The following ZNF486 variants were observed in gnomAD, a reference collection of about 807,000 sequenced individuals.
ZNF486 encodes zinc finger protein 486.
A neutral mutation model predicts 12.8 loss-of-function variants in ZNF486; 12 were observed. That is an observed-to-expected ratio of 0.94 (90% CI 0.60 to 1.52). ZNF486 has a LOEUF of 1.52. Ranked by LOEUF, ZNF486 falls within the 40% of genes most tolerant of loss-of-function variation. The probability of loss-of-function intolerance (pLI) is 0.00; values close to 1 mark genes in which losing one functional copy is unlikely to be tolerated. For synonymous variants in ZNF486, 231 were observed against 184.9 expected (o/e 1.25, Z -2.02); for missense variants, 738 against 545.0 (o/e 1.35, Z -3.53).
At chr19:20,181,663 T>A (rs1555715609) in intron 1 of ZNF486, among the ~76,000 whole-genome samples, 1 of 152,166 alleles carries the variant, frequency 6.6e-6, no homozygotes, top group Non-Finnish European at 1.5e-5. Flanking sequence ...TTCTTGCAGA[T>A]CCAGTAGTTG....
Position 20,184,383 on chromosome 19 carries a change from G to C in ZNF486, c.58G>C (p.Val20Leu). ...MESLQFRDVAVEFSLEEWHCL... is the reference protein window; with the variant it reads ...MESLQFRDVALEFSLEEWHCL... The stretch of plus-strand genomic sequence containing the variant: ...ATCATTGCAATTTAGAGATGTGGCT[G>C]TAGAATTCTCTCTGGAGGAGTGGCA... The change falls in exon 2 of 4, where the codon GTA becomes CTA. Residue 20 changes from valine (V) to leucine (L), a missense_variant. Physicochemically the swap from Val to Leu is conservative, Grantham distance 32 (BLOSUM62 1). Transcript: ENST00000335117. 1 of 1,613,388 alleles carries C rather than the reference G, an allele frequency of 6.2e-7. No homozygotes were observed. The highest frequency in any genetic ancestry group is 8.5e-7 in the Non-Finnish European group (1 of 1,179,644).
intron 1 of ZNF486, among the ~76,000 whole-genome samples, chr19:20,169,457 C>G (rs1168967047): frequency 6.6e-6 from 1 of 152,146 alleles, no homozygotes; most frequent in South Asian, 2.1e-4. Context: ...GGAGCCTCGC[C>G]TGCAGATGTC....
chr19:20,191,323 C>T (rs529823511), intron 3 of ZNF486, among the ~76,000 whole-genome samples: 17 of 148,938 alleles, frequency 1.1e-4, no homozygotes, highest in South Asian at 8.5e-4. Context: ...TACAAAAAGC[C>T]GGGCGTGCTG....
intron 1 of ZNF486, among the ~76,000 whole-genome samples, chr19:20,167,651 C>G (rs1555713216): frequency 6.6e-6 from 1 of 152,166 alleles, no homozygotes; most frequent in Admixed American, 6.5e-5. Context: ...GCGGGAACCA[C>G]GAGAAGGTCA....
At chr19:20,186,449 T>G (rs921286020) in intron 3 of ZNF486, among the ~76,000 whole-genome samples, 61 of 152,154 alleles carry the variant, frequency 4.0e-4, no homozygotes, top group Non-Finnish European at 8.8e-5. Flanking sequence ...TTAAGTTGTC[T>G]TTTTGCTTCA....
chr19:20,186,086 G>C lies in ZNF486; in HGVS notation c.253+4G>C, dbSNP rs2089842403. 3 of 1,574,472 alleles carry C rather than the reference G, an allele frequency of 1.9e-6. No homozygotes were observed. The highest frequency in any genetic ancestry group is 3.9e-5 in the Admixed American group (2 of 51,796). On this transcript the variant is annotated splice_donor_region_variant and intron_variant, in intron 3 of 3. Transcript: ENST00000335117. ...GAGATGATTGCCAAACCCCCAGGTAGGTGCGAATGAAAATGAACACAACAG... is the reference window on the plus strand; with the variant it reads ...GAGATGATTGCCAAACCCCCAGGTACGTGCGAATGAAAATGAACACAACAG...
chr19:20,196,377 G>A (rs183296834), intron 3 of ZNF486, among the ~76,000 whole-genome samples: 26 of 152,242 alleles, frequency 1.7e-4, no homozygotes, highest in East Asian at 5.8e-4. Flanking sequence ...CGCCCAGGCC[G>A]GAGTGCAGTG....
intron 3 of ZNF486, among the ~76,000 whole-genome samples, chr19:20,195,463 T>C (rs1417265946): frequency 2.0e-5 from 3 of 152,268 alleles, no homozygotes; most frequent in Admixed American, 1.3e-4. Context: ...CCACCAACAG[T>C]GGGATGTTCA....
At position 20,184,361 on chromosome 19, in the gene ZNF486, A is replaced by G. The variant is rs8106056; in HGVS notation, c.36A>G (p.Ser12=). ...PGPLRSLEME[S]LQFRDVAVEF... ...TGTGTGTGTGTGTTTTTCAGGAATC[A>G]TTGCAATTTAGAGATGTGGCTGTAG... Residue 12 remains serine, a synonymous_variant, in exon 2 of 4, where the codon TCA becomes TCG. Coordinates refer to ENST00000335117, the MANE Select transcript of ZNF486 (RefSeq NM_052852.4). 16,015 of 1,612,784 alleles carry G rather than the reference A, an allele frequency of 9.9e-3. 1,421 individuals are homozygous for G. In the African/African-American group the frequency reaches 0.19, roughly 19 times the overall value.
intron 3 of ZNF486, among the ~76,000 whole-genome samples, chr19:20,189,872 A>G (rs1297850934): frequency 2.0e-5 from 3 of 152,216 alleles, no homozygotes; most frequent in African/African-American, 7.2e-5. Context: ...TTAATGTCGT[A>G]TCTAAGAAAA....
chr19:20,182,249 A>T (rs2089795534), intron 1 of ZNF486, among the ~76,000 whole-genome samples: 3 of 152,204 alleles, frequency 2.0e-5, no homozygotes, highest in Non-Finnish European at 2.9e-5. Flanking sequence ...TAAAACACCC[A>T]TTCATGGACC....
At chr19:20,171,407 C>A (rs782199976) in intron 1 of ZNF486, among the ~76,000 whole-genome samples, 3 of 152,208 alleles carry the variant, frequency 2.0e-5, no homozygotes, top group Non-Finnish European at 2.9e-5. Flanking sequence ...TGTCCACACT[C>A]CTCCCAGGAC....
chr19:20,179,516 G>C (rs2089761388), intron 1 of ZNF486, among the ~76,000 whole-genome samples: 1 of 151,968 alleles, frequency 6.6e-6, no homozygotes, highest in Non-Finnish European at 1.5e-5. Context: ...TTTAGAATGT[G>C]TTAGAGCAGC....
Position 20,180,519 on chromosome 19 carries a change from G to A in ZNF486, c.31-3837G>A, listed in dbSNP as rs148463924. Among the ~76,000 whole-genome samples, 900 of 152,284 alleles carry A rather than the reference G, an allele frequency of 5.9e-3. 7 individuals are homozygous for A. Among genetic ancestry groups the A allele is most frequent in the Non-Finnish European group, 9.3e-3 (632 of 68,014 alleles). On this transcript the variant is annotated intron_variant, in intron 1 of 3. Transcript: ENST00000335117. ...GGTTTTATTTAGGCCACTTTATGCC[G>A]TTATGACTTCTGAATTGTACACCTG...
rs184664289 is a variant in ZNF486, at chr19:20,197,134, C to G, written c.424C>G (p.Leu142Val). 3.7e-6 allele frequency: 6 copies of G among 1,613,826 alleles called. No homozygotes were observed. In the East Asian group the frequency reaches 1.1e-4, roughly 30 times the overall value. Residue 142 changes from leucine to valine, a missense_variant, in exon 4 of 4, where the codon CTT becomes GTT. Transcript: ENST00000335117. ...CKLHKRGYNG[L>V]NQCLTTTQSK... ...GTTACACAAAAGAGGTTATAATGGA[C>G]TTAACCAATGTTTGACAACTACCCA...
Position 20,197,550 on chromosome 19 carries a change from CCTTA to C in ZNF486, c.843_846del (p.Thr282HisfsTer4), listed in dbSNP as rs1177566958. On this transcript the variant is annotated frameshift_variant, in exon 4 of 4. Transcript: ENST00000335117. LOFTEE classifies it low-confidence loss of function (END_TRUNC). ...GCAAAGCCTTTATGTACCCCTATAC[CCTTA>C]CTACACATAAGATAATCCATACTGG... is the stretch of plus-strand genomic sequence containing the variant. 6.2e-7 allele frequency: 1 copy of C among 1,613,042 alleles called. No homozygotes were observed. Among genetic ancestry groups the C allele is most frequent in the African/African-American group, 1.3e-5 (1 of 74,910 alleles).
chr19:20,185,008 G>A (rs542598462), intron 2 of ZNF486, among the ~76,000 whole-genome samples: 5 of 152,262 alleles, frequency 3.3e-5, no homozygotes, highest in Middle Eastern at 3.4e-3. Context: ...CTACTCCGGA[G>A]GCTGAGGCAG....
chr19:20,197,617 T>C lies in ZNF486; in HGVS notation c.907T>C (p.Phe303Leu). Residue 303 changes from phenylalanine (F) to leucine (L), a missense_variant, in exon 4 of 4, where the codon TTT becomes CTT. Coordinates refer to ENST00000335117, the MANE Select transcript of ZNF486 (RefSeq NM_052852.4). ...PYKCKECDKA[F>L]NHPATLSSHK... ...CAAATGTAAAGAATGTGACAAAGCT[T>C]TTAACCATCCTGCAACTCTTTCTTC... The C allele has an allele frequency of 1.2e-6, 2 of 1,613,852 alleles. No homozygotes were observed. Among genetic ancestry groups the C allele is most frequent in the Non-Finnish European group, 1.7e-6 (2 of 1,179,854 alleles).
At position 20,197,809 on chromosome 19, in the gene ZNF486, A is replaced by G. The variant is rs376302883; in HGVS notation, c.1099A>G (p.Met367Val). 2.3e-5 allele frequency: 37 copies of G among 1,613,544 alleles called. No individual in the cohort carries two copies. The East Asian group carries it at 4.2e-4, about 18-fold the overall frequency. ...CTTCACCCGCTCCTCACACCTTACT[A>G]TGCATAAGATAATTCATACTGGAGA... ...KAFTRSSHLT[M>V]HKIIHTGEKP... Residue 367 changes from methionine (M) to valine (V), a missense_variant, in exon 4 of 4, where the codon ATG becomes GTG. Met to Val is a conservative substitution (Grantham distance 21). Coordinates refer to ENST00000335117, the MANE Select transcript of ZNF486 (RefSeq NM_052852.4).
Sources: allele counts gnomAD v4.1 joint callset (sites outside exome capture counted in the v4.1 genomes callset), GRCh38; gene constraint gnomAD v4.1.1; transcripts MANE v1.5; gene names NCBI Gene and HGNC (gene_info 2026-07-23, HGNC 2026-07-21).